SERPINB10: variants seen among roughly 807,000 people sequenced by gnomAD.
The protein encoded by SERPINB10 is serpin B10.
Under a neutral mutation model 39.1 loss-of-function variants are expected in SERPINB10, and 35 were observed. The observed-to-expected ratio is 0.90, with a 90% CI of 0.68 to 1.19. The LOEUF is 1.19. Ranked by LOEUF, SERPINB10 falls within the 50% of genes most tolerant of loss-of-function variation. The probability of loss-of-function intolerance (pLI) is 0.00; values close to 1 mark genes in which losing one functional copy is unlikely to be tolerated. For synonymous variants in SERPINB10, 190 were observed against 158.1 expected (o/e 1.20, Z -1.52); for missense variants, 546 against 460.5 (o/e 1.19, Z -1.70).
chr18:63,933,649 T>G (rs1454978932), intron 7 of SERPINB10, among the ~76,000 whole-genome samples: 1 of 152,238 alleles, frequency 6.6e-6, no homozygotes, highest in Non-Finnish European at 1.5e-5. Context: ...GACATCAAGC[T>G]GTCTTCCAAA....
At position 63,915,665 on chromosome 18, in the gene SERPINB10, C is replaced by T; in HGVS notation, c.155C>T (p.Ala52Val). The T allele has an allele frequency of 1.2e-6, 2 of 1,609,712 alleles. No homozygotes were observed. Among genetic ancestry groups the T allele is most frequent in the Non-Finnish European group, 8.5e-7 (1 of 1,177,326 alleles). ...TTGGGCGCCAAAGGTACCACTGCAG[C>T]CCAAATGGCCCAGGTGAGTGGAAAA... Reference protein sequence around the residue: ...VYLGAKGTTAAQMAQVLQFNR... With the variant: ...VYLGAKGTTAVQMAQVLQFNR... Residue 52 changes from alanine (A) to valine (V), a missense_variant, in exon 2 of 8, where the codon GCC becomes GTC. Coordinates refer to ENST00000238508, the MANE Select transcript of SERPINB10 (RefSeq NM_005024.3).
At chr18:63,914,280 AT>A (rs1330320135) in intron 1 of SERPINB10, among the ~76,000 whole-genome samples, 12 of 152,074 alleles carry the variant, frequency 7.9e-5, no homozygotes, top group African/African-American at 2.6e-4. Flanking sequence ...GTTAATATTG[AT>A]ATGTGAGGTG....
At chr18:63,927,889 T>C (rs945257188) in intron 5 of SERPINB10, among the ~76,000 whole-genome samples, 36 of 152,070 alleles carry the variant, frequency 2.4e-4, no homozygotes, top group African/African-American at 8.4e-4. Flanking sequence ...ACTAGGTATA[T>C]GCCAGCTTGA....
chr18:63,929,430 C>G (rs906308300), intron 5 of SERPINB10, among the ~76,000 whole-genome samples: 2 of 151,890 alleles, frequency 1.3e-5, no homozygotes, highest in Non-Finnish European at 1.5e-5. Flanking sequence ...GATTTATACT[C>G]TAAGAGTAGA....
chr18:63,931,877 G>C (rs1028522044), intron 6 of SERPINB10, among the ~76,000 whole-genome samples: 1 of 152,160 alleles, frequency 6.6e-6, no homozygotes, highest in African/African-American at 2.4e-5. Flanking sequence ...ATTCCGAATA[G>C]TTTCACTGCC....
In SERPINB10 at chr18:63,933,311, T is replaced by C. The variant is rs997541517; in HGVS notation, c.789+108T>C. 8 of 1,210,162 alleles carry C rather than the reference T, an allele frequency of 6.6e-6. No homozygotes were observed. The Admixed American group carries it at 1.6e-4, about 24-fold the overall frequency. 75.0% of individuals were successfully genotyped at this position (1,210,162 alleles called of 1,614,324 possible). ...TTGTCCTCAGGAAGAATGTTCTCCC[T>C]ATTATTTAATTCCTATAGAGAAAGG... On this transcript the variant is annotated intron_variant, in intron 7 of 7. Transcript: ENST00000238508.
intron 1 of SERPINB10, among the ~76,000 whole-genome samples, chr18:63,913,644 C>A (rs2050081043): frequency 6.6e-6 from 1 of 151,998 alleles, no homozygotes; most frequent in African/African-American, 2.4e-5. Flanking sequence ...ATAGTTGGTA[C>A]AATTTCAGTT....
chr18:63,917,204 C>A (rs1599078461), intron 2 of SERPINB10, among the ~76,000 whole-genome samples: 1 of 151,874 alleles, frequency 6.6e-6, no homozygotes, highest in East Asian at 1.9e-4. Context: ...CAAGGTTTTC[C>A]TAACATCATT....
chr18:63,925,179 T>C (rs1281346273), intron 5 of SERPINB10, among the ~76,000 whole-genome samples: 41 of 151,970 alleles, frequency 2.7e-4, no homozygotes, highest in Non-Finnish European at 4.4e-5. Context: ...AGATTGGAAG[T>C]GAAAGTATCA....
At chr18:63,916,350 A>AT (rs200389041) in intron 2 of SERPINB10, among the ~76,000 whole-genome samples, 4 of 146,888 alleles carry the variant, frequency 2.7e-5, no homozygotes, top group African/African-American at 1.0e-4. Context: ...TTTTAAATAA[A>AT]AAAAAAAAAA....
In SERPINB10 at chr18:63,935,362, A is replaced by G. The variant is rs1461214035; in HGVS notation, c.*120A>G. On this transcript the variant is annotated 3_prime_UTR_variant, in exon 8 of 8. Transcript: ENST00000238508. ...GTCTAAACCTTTTTCACATTTGAAT[A>G]TAAGTAAATAGATCTTGAAATAATG... is the stretch of plus-strand genomic sequence containing the variant. 20 of 956,872 alleles carry G rather than the reference A, an allele frequency of 2.1e-5. No homozygotes were observed. The highest frequency in any genetic ancestry group is 2.8e-5 in the Non-Finnish European group (18 of 648,630). The allele number at this position is 956,872 out of a possible 1,614,324, so 59.3% of individuals were successfully genotyped here. A position where few individuals can be genotyped will look rare whatever the true frequency, so the allele number is the denominator to read the frequency against.
intron 3 of SERPINB10, 92 bp downstream of exon 3, chr18:63,917,613 G>C (rs1379195271): frequency 4.3e-6 from 3 of 703,994 alleles, no homozygotes; most frequent in Non-Finnish European, 6.7e-6. Flanking sequence ...ACTTTTAGCA[G>C]GTAATTTTTC....
At chr18:63,913,414 T>C (rs1212439872) in intron 1 of SERPINB10, among the ~76,000 whole-genome samples, 1 of 152,068 alleles carries the variant, frequency 6.6e-6, no homozygotes, top group Non-Finnish European at 1.5e-5. Flanking sequence ...AGGCATTTAG[T>C]GCTATAAACT....
chr18:63,929,954 A>G, intron 5 of SERPINB10, 91 bp from the exon 6 acceptor site: 1 of 1,356,232 alleles, frequency 7.4e-7, no homozygotes, highest in Non-Finnish European at 1.0e-6. Context: ...GAAAACTTTT[A>G]TAGTTCCAGA....
At chr18:63,932,723 A>G (rs910506220) in intron 6 of SERPINB10, among the ~76,000 whole-genome samples, 120 of 152,322 alleles carry the variant, frequency 7.9e-4, no homozygotes, top group African/African-American at 2.8e-3. Flanking sequence ...TTCATGTAAA[A>G]TATGCCTTAG....
Position 63,935,281 on chromosome 18 carries a change from T to C in SERPINB10, c.*39T>C, listed in dbSNP as rs760938241. 5.7e-5 allele frequency: 85 copies of C among 1,500,522 alleles called. No individual in the cohort carries two copies. Among genetic ancestry groups the C allele is most frequent in the Non-Finnish European group, 6.8e-5 (77 of 1,130,858 alleles). 93.0% of individuals were successfully genotyped at this position (1,500,522 alleles called of 1,614,324 possible). A position where few individuals can be genotyped will look rare whatever the true frequency, so the allele number is the denominator to read the frequency against. On this transcript the variant is annotated 3_prime_UTR_variant, in exon 8 of 8. Transcript: ENST00000238508. ...CTCAACAAACAAGACCATCTTACAG[T>C]GTGAAAAATGTACCATGAGATGGAA... is the stretch of plus-strand genomic sequence containing the variant.
At chr18:63,920,955 G>A (rs2050142536) in intron 5 of SERPINB10, among the ~76,000 whole-genome samples, 2 of 151,994 alleles carry the variant, frequency 1.3e-5, no homozygotes, top group African/African-American at 2.4e-5. Flanking sequence ...TTAGAAATAA[G>A]GAAGCTGAGA....
chr18:63,931,479 C>T (rs1486538856), intron 6 of SERPINB10, among the ~76,000 whole-genome samples: 3 of 152,088 alleles, frequency 2.0e-5, no homozygotes, highest in Admixed American at 1.3e-4. Flanking sequence ...CCTTAGCATA[C>T]GGTGGGGCTT....
rs534644293 is a variant in SERPINB10, at chr18:63,914,937, T to A, written c.-9-565T>A. Among the ~76,000 whole-genome samples the A allele has an allele frequency of 4.6e-5, 7 of 151,948 alleles. No homozygotes were observed. In the Middle Eastern group the frequency reaches 0.01, roughly 221 times the overall value. On this transcript the variant is annotated intron_variant, in intron 1 of 7. Transcript: ENST00000238508. ...AATGAGTGAGAATAAAGACAAACAG[T>A]CTTAACTTCTCAATTTCTCTACAAG...
Sources: allele counts gnomAD v4.1 joint callset (sites outside exome capture counted in the v4.1 genomes callset), GRCh38; gene constraint gnomAD v4.1.1; transcripts MANE v1.5; gene names NCBI Gene and HGNC (gene_info 2026-07-23, HGNC 2026-07-21).